The following VSTM4 variants were observed in gnomAD, a reference collection of about 807,000 sequenced individuals.
VSTM4 encodes V-set and transmembrane domain-containing protein 4.
A neutral mutation model predicts 36.4 loss-of-function variants in VSTM4; 20 were observed. The observed-to-expected ratio is 0.55, with a 90% confidence interval of 0.39 to 0.80. The LOEUF (loss-of-function observed/expected upper bound fraction) is 0.80. Ranked by LOEUF, VSTM4 falls within the 30% of genes least tolerant of loss-of-function variation. VSTM4 has a pLI of 0.00. For missense variants in VSTM4, 392 were observed against 404.5 expected (o/e 0.97, Z 0.26); for synonymous variants, 182 against 173.9 (o/e 1.05, Z -0.37).
chr10:49,107,776 C>G lies in VSTM4; in HGVS notation c.275G>C (p.Arg92Pro). 6.2e-7 allele frequency: 1 copy of G among 1,614,250 alleles called. No individual in the cohort carries two copies. The highest frequency in any genetic ancestry group is 1.3e-5 in the African/African-American group (1 of 75,080). ...RVVQYYGNFS[R>P]SAKRRRLRLL... ...GCGCAGCCTCCGCCGTTTGGCGCTGCGGCTGAAATTCCCATAGTACTGCAC... is the reference window on the plus strand; with the variant it reads ...GCGCAGCCTCCGCCGTTTGGCGCTGGGGCTGAAATTCCCATAGTACTGCAC... Residue 92 changes from arginine to proline, a missense_variant, in exon 2 of 8, where the codon CGC (arginine) becomes CCC (proline). Physicochemically the swap from Arg to Pro is moderately radical, Grantham distance 103. Coordinates refer to ENST00000332853, the MANE Select transcript of VSTM4 (RefSeq NM_001031746.5).
chr10:49,096,907 C>G (rs1223049107), intron 2 of VSTM4, among the ~76,000 whole-genome samples: 1 of 151,832 alleles, frequency 6.6e-6, no homozygotes, highest in Non-Finnish European at 1.5e-5. Flanking sequence ...CCCACCTCAA[C>G]CTCCCAAAGT....
intron 2 of VSTM4, among the ~76,000 whole-genome samples, chr10:49,086,346 A>G (rs1844370581): frequency 6.6e-6 from 1 of 152,250 alleles, no homozygotes; most frequent in Non-Finnish European, 1.5e-5. Flanking sequence ...GATTTATTTT[A>G]CCATTTTAGT....
chr10:49,085,323 C>A (rs967192182), intron 3 of VSTM4, among the ~76,000 whole-genome samples: 1 of 152,256 alleles, frequency 6.6e-6, no homozygotes, highest in Non-Finnish European at 1.5e-5. Flanking sequence ...AAATCAGAAT[C>A]TCTAGAGATG....
At chr10:49,036,228 C>T (rs117148268) in intron 7 of VSTM4, among the ~76,000 whole-genome samples, 4,095 of 152,226 alleles carry the variant, frequency 0.027, 74 homozygotes, top group Non-Finnish European at 0.042. Context: ...CCTCAGCATC[C>T]GTTCTTCCCT....
rs112077954 is a variant in VSTM4, at chr10:49,072,937, C to A, written c.634+4282G>T. On this transcript the variant is annotated intron_variant, in intron 4 of 7. Coordinates refer to ENST00000332853, the MANE Select transcript of VSTM4 (RefSeq NM_001031746.5). Reference sequence around the variant, plus strand: ...TAAATGTTGTGTTAAGCCACTACTTCCTGGGTGATTTGTTACTCAGCAAGA... The same window carrying A: ...TAAATGTTGTGTTAAGCCACTACTTACTGGGTGATTTGTTACTCAGCAAGA... 7.0e-3 allele frequency among the ~76,000 whole-genome samples: 1,062 copies of A among 152,314 alleles called. 4 individuals carry two copies. The highest frequency in any genetic ancestry group is 0.011 in the Non-Finnish European group (739 of 68,030).
In VSTM4 at chr10:49,015,648, C is replaced by G. The variant is rs868414340; in HGVS notation, c.*4002G>C. On this transcript the variant is annotated 3_prime_UTR_variant, in exon 8 of 8. Coordinates refer to ENST00000332853, the MANE Select transcript of VSTM4 (RefSeq NM_001031746.5). Reference sequence around the variant, plus strand: ...ATGGGAGTGTGGTCTGGAGTGGGGTCAATGTCCCCGCCATGTGGCTGCCTC... The same window carrying G: ...ATGGGAGTGTGGTCTGGAGTGGGGTGAATGTCCCCGCCATGTGGCTGCCTC... 1.3e-5 allele frequency: 2 copies of G among 152,138 alleles called. No individual in the cohort carries two copies. Among genetic ancestry groups the G allele is most frequent in the Non-Finnish European group, 2.9e-5 (2 of 68,038 alleles). The allele number at this position is 152,138 out of a possible 1,614,324, so 9.4% of individuals were successfully genotyped here.
At chr10:49,080,487 T>A (rs951906492) in intron 3 of VSTM4, among the ~76,000 whole-genome samples, 2 of 152,236 alleles carry the variant, frequency 1.3e-5, no homozygotes, top group East Asian at 3.8e-4. Flanking sequence ...CTAAGCTAGT[T>A]TGAATAGATT....
chr10:49,084,810 GATA>G (rs1368146677), intron 3 of VSTM4, among the ~76,000 whole-genome samples: 3 of 152,306 alleles, frequency 2.0e-5, no homozygotes, highest in East Asian at 3.9e-4. Flanking sequence ...CCCACTTTAT[GATA>G]ATAATTTCTC....
chr10:49,080,754 C>A (rs145034710), intron 3 of VSTM4, among the ~76,000 whole-genome samples: 199 of 152,346 alleles, frequency 1.3e-3, no homozygotes, highest in African/African-American at 4.6e-3. Flanking sequence ...AACATCCACT[C>A]TGTTTTGCTC....
chr10:49,029,828 G>C (rs545424833), intron 7 of VSTM4, among the ~76,000 whole-genome samples: 54 of 152,342 alleles, frequency 3.5e-4, no homozygotes, highest in Non-Finnish European at 6.9e-4. Flanking sequence ...CAGGAGCCCT[G>C]GCTTGGTGTG....
intron 2 of VSTM4, among the ~76,000 whole-genome samples, chr10:49,092,417 G>A (rs1394918567): frequency 6.6e-6 from 1 of 152,206 alleles, no homozygotes; most frequent in Non-Finnish European, 1.5e-5. Flanking sequence ...TCAGTGTCCT[G>A]TCCAATCCAG....
chr10:49,091,776 G>T (rs1264633048), intron 2 of VSTM4, among the ~76,000 whole-genome samples: 1 of 152,188 alleles, frequency 6.6e-6, no homozygotes, highest in African/African-American at 2.4e-5. Context: ...ATTCCGAGAG[G>T]TCCTGGGAAG....
At chr10:49,057,373 A>G (rs933773876) in intron 5 of VSTM4, among the ~76,000 whole-genome samples, 4 of 152,202 alleles carry the variant, frequency 2.6e-5, no homozygotes, top group Admixed American at 6.5e-5. Context: ...GCTGGGCTGC[A>G]CCAGTCTACG....
intron 7 of VSTM4, among the ~76,000 whole-genome samples, chr10:49,023,967 A>AT (rs1564564223): frequency 6.6e-6 from 1 of 152,190 alleles, no homozygotes; most frequent in Non-Finnish European, 1.5e-5. Context: ...TTTTACATTT[A>AT]TATCCAGATG....
chr10:49,087,938 G>GTA (rs1323949540), intron 2 of VSTM4, among the ~76,000 whole-genome samples: 3 of 130,062 alleles, frequency 2.3e-5, no homozygotes, highest in Non-Finnish European at 4.5e-5. Flanking sequence ...TAATATATAT[G>GTA]TATATATACA....
chr10:49,035,669 C>CAAAAA (rs3080379), intron 7 of VSTM4, among the ~76,000 whole-genome samples: 729 of 66,240 alleles, frequency 0.011, 1 homozygote, highest in Middle Eastern at 0.051. Flanking sequence ...CCCAGCTCCA[C>CAAAAA]AAAAAAAAAA....
At chr10:49,075,442 A>G (rs1844159703) in intron 4 of VSTM4, among the ~76,000 whole-genome samples, 1 of 152,286 alleles carries the variant, frequency 6.6e-6, no homozygotes, top group South Asian at 2.1e-4. Flanking sequence ...CCTGAGCCAC[A>G]TTCCAAGGAG....
intron 3 of VSTM4, among the ~76,000 whole-genome samples, chr10:49,080,616 T>G (rs1844261134): frequency 6.6e-6 from 1 of 152,188 alleles, no homozygotes; most frequent in African/African-American, 2.4e-5. Flanking sequence ...GGGGCAGGTG[T>G]GTGGAAGGGA....
chr10:49,044,897 T>C lies in VSTM4; in HGVS notation c.837+2086A>G, dbSNP rs1175561113. The stretch of plus-strand genomic sequence containing the variant: ...TGTGTGTGGTGTAGAGAAGGGGCTA[T>C]AGATCTTTTTTTCATATGGATATCC... On this transcript the variant is annotated intron_variant, in intron 7 of 7. Transcript: ENST00000332853. 2.0e-5 allele frequency among the ~76,000 whole-genome samples: 3 copies of C among 152,230 alleles called. No homozygotes were observed. The East Asian group carries it at 5.8e-4, about 29-fold the overall frequency.
Sources: allele counts gnomAD v4.1 joint callset (sites outside exome capture counted in the v4.1 genomes callset), GRCh38; gene constraint gnomAD v4.1.1; transcripts MANE v1.5; gene names NCBI Gene and HGNC (gene_info 2026-07-23, HGNC 2026-07-21).